The following PLS3 variants were observed in gnomAD, a reference collection of about 807,000 sequenced individuals.
The protein encoded by PLS3 is plastin-3.
Under a neutral mutation model 46.5 loss-of-function variants are expected in PLS3, and 11 were observed. The observed-to-expected ratio is 0.24, with a 90% CI of 0.15 to 0.39. PLS3 has a LOEUF of 0.39. PLS3 is among the 10% of genes least tolerant of loss of function. The pLI, the probability that PLS3 is intolerant of heterozygous loss-of-function variation, is 1.00. For missense variants in PLS3, 308 were observed against 461.8 expected (o/e 0.67, Z 3.05); for synonymous variants, 167 against 162.2 (o/e 1.03, Z -0.22).
At chrX:115,568,961 A>G (rs1363866494) in intron 1 of PLS3, among the ~76,000 whole-genome samples, 1 of 108,486 alleles carries the variant, frequency 9.2e-6, no homozygotes, top group Non-Finnish European at 1.9e-5. Context: ...GCTTGAACCC[A>G]GGAGGTGAAG....
At chrX:115,627,461 A>C (rs1304360194) in intron 3 of PLS3, among the ~76,000 whole-genome samples, 1 of 112,405 alleles carries the variant, frequency 8.9e-6, no homozygotes, top group East Asian at 2.8e-4. Flanking sequence ...AGTAGAGTTC[A>C]GAAAGAAGTA....
chrX:115,628,740 T>C (rs1404688024), intron 3 of PLS3, among the ~76,000 whole-genome samples: 1 of 112,251 alleles, frequency 8.9e-6, no homozygotes, highest in African/African-American at 3.2e-5. Context: ...ACTTTTGATT[T>C]AATGAATTCT....
chrX:115,634,779 T>C (rs1569528722), intron 6 of PLS3, 102 bp from the exon 7 acceptor site: 1 of 739,187 alleles, frequency 1.4e-6, no homozygotes, highest in East Asian at 3.2e-5. Context: ...TAATACAGGG[T>C]ATTAATTTCC....
chrX:115,595,592 T>A (rs1569527033), intron 1 of PLS3, among the ~76,000 whole-genome samples: 1 of 110,680 alleles, frequency 9.0e-6, no homozygotes, highest in African/African-American at 3.3e-5. Flanking sequence ...TTATGGGTGT[T>A]TTTTGTGCTA....
intron 2 of PLS3, among the ~76,000 whole-genome samples, chrX:115,612,915 CATG>C (rs2074561051): frequency 8.9e-6 from 1 of 111,927 alleles, no homozygotes; most frequent in African/African-American, 3.2e-5. Flanking sequence ...TTTTGTACTT[CATG>C]ATGTTTCAAA....
chrX:115,618,225 A>G lies in PLS3; in HGVS notation c.74-4021A>G, dbSNP rs1027564592. ...TAAAACATCTCTACCTTCCACTTCC[A>G]TTATAACACTGAGAATACAAAAAGA... On this transcript the variant is annotated intron_variant, in intron 2 of 15. Transcript: ENST00000355899. 4.5e-5 allele frequency among the ~76,000 whole-genome samples: 5 copies of G among 112,169 alleles called. No individual in the cohort carries two copies. In the East Asian group the frequency reaches 1.4e-3, roughly 31 times the overall value.
intron 2 of PLS3, among the ~76,000 whole-genome samples, chrX:115,621,310 C>T (rs147234685): frequency 0.038 from 4,299 of 112,531 alleles, 202 homozygotes; most frequent in African/African-American, 0.13. Flanking sequence ...CCACCGTGCC[C>T]GGCCACAATA....
chrX:115,634,060 A>C lies in PLS3; in HGVS notation c.561A>C (p.Lys187Asn). Residue 187 changes from lysine to asparagine, a missense_variant, in exon 6 of 16, where the codon AAA becomes AAC. Lys to Asn is a moderately conservative substitution (Grantham distance 94). Coordinates refer to ENST00000355899, the MANE Select transcript of PLS3 (RefSeq NM_005032.7). Reference protein sequence around the residue: ...TIDERAINKKKLTPFIIQENL... With the variant: ...TIDERAINKKNLTPFIIQENL... ...ATGAAAGAGCAATCAACAAGAAGAA[A>C]CTTACACCCTTCATCATTCAGGTAT... The C allele has an allele frequency of 8.7e-7, 1 of 1,142,961 alleles. No homozygotes were observed. The highest frequency in any genetic ancestry group is 1.2e-6 in the Non-Finnish European group (1 of 835,165). The allele number at this position is 1,142,961 out of a possible 1,213,427, so 94.2% of individuals were successfully genotyped here.
intron 2 of PLS3, among the ~76,000 whole-genome samples, chrX:115,617,249 C>T (rs1166599236): frequency 9.0e-6 from 1 of 111,655 alleles, no homozygotes; most frequent in African/African-American, 3.3e-5. Context: ...AGATCCTGAC[C>T]AGAGAGCTAT....
At chrX:115,600,566 G>A (rs1273078203) in intron 1 of PLS3, among the ~76,000 whole-genome samples, 2 of 112,223 alleles carry the variant, frequency 1.8e-5, no homozygotes, top group Non-Finnish European at 3.8e-5. Context: ...AAGTTTTTGT[G>A]TGCTGTTCGT....
At chrX:115,584,482 T>C (rs781961212) in intron 1 of PLS3, among the ~76,000 whole-genome samples, 6 of 112,379 alleles carry the variant, frequency 5.3e-5, no homozygotes, top group Non-Finnish European at 9.4e-5. Context: ...ACAGCTTGAA[T>C]AGGGAAAAAA....
At chrX:115,567,709 CT>C (rs782653479) in intron 1 of PLS3, among the ~76,000 whole-genome samples, 2,702 of 81,840 alleles carry the variant, frequency 0.033, 33 homozygotes, top group Middle Eastern at 0.045. Context: ...TTTTCTTCTT[CT>C]TTTTTTTTTT....
intron 7 of PLS3, among the ~76,000 whole-genome samples, chrX:115,635,726 A>G (rs2074827482): frequency 9.2e-6 from 1 of 109,256 alleles, no homozygotes; most frequent in Non-Finnish European, 1.9e-5. Flanking sequence ...GTGTTGGACC[A>G]TGCCTGTAAT....
At chrX:115,602,429 G>C (rs112089477) in intron 1 of PLS3, among the ~76,000 whole-genome samples, 17 of 111,726 alleles carry the variant, frequency 1.5e-4, no homozygotes, top group Non-Finnish European at 3.0e-4. Flanking sequence ...GTATGAATAG[G>C]TGAGTTTTAG....
At chrX:115,590,145 C>T (rs1423850504) in intron 1 of PLS3, among the ~76,000 whole-genome samples, 1 of 111,716 alleles carries the variant, frequency 9.0e-6, no homozygotes, top group East Asian at 2.8e-4. Context: ...CCTGAGCCAC[C>T]GCGCCCAGCC....
chrX:115,588,592 C>T (rs1409902140), intron 1 of PLS3, among the ~76,000 whole-genome samples: 1 of 111,920 alleles, frequency 8.9e-6, no homozygotes, highest in Non-Finnish European at 1.9e-5. Flanking sequence ...GTGACAAATA[C>T]ACTGATAGAT....
chrX:115,609,748 T>C (rs1198406626), intron 1 of PLS3, among the ~76,000 whole-genome samples: 2 of 112,718 alleles, frequency 1.8e-5, no homozygotes, highest in South Asian at 3.6e-4. Context: ...CAAAACCAGC[T>C]ATAATTTGTT....
Position 115,595,538 on chromosome X carries a change from G to A in PLS3, c.-8-14705G>A, listed in dbSNP as rs1476392688. 2.7e-5 allele frequency among the ~76,000 whole-genome samples: 3 copies of A among 110,328 alleles called. No homozygotes were observed. In the East Asian group the frequency reaches 8.6e-4, roughly 32 times the overall value. ...CAGGAAGAGAGAATAGATGAACCAA[G>A]CAAATGTGGGGAAATCTGGATAAAT... On this transcript the variant is annotated intron_variant, in intron 1 of 15. Coordinates refer to ENST00000355899, the MANE Select transcript of PLS3 (RefSeq NM_005032.7).
chrX:115,596,371 C>A (rs1201033388), intron 1 of PLS3, among the ~76,000 whole-genome samples: 1 of 111,510 alleles, frequency 9.0e-6, no homozygotes, highest in African/African-American at 3.3e-5. Context: ...TGTGGTGAGC[C>A]AAGATACAAA....
Sources: gnomAD v4.1 joint callset for allele counts (sites outside exome capture counted in the v4.1 genomes callset) on GRCh38, gnomAD v4.1.1 for gene constraint, MANE v1.5 for transcripts, NCBI Gene and HGNC (gene_info 2026-07-23, HGNC 2026-07-21) for gene names.